The following UGT2A2 variants were observed in gnomAD, a reference collection of about 807,000 sequenced individuals.
UGT2A2 encodes the protein UDP-glucuronosyltransferase 2A2.
In UGT2A2, 60 loss-of-function variants were observed where a neutral mutation model predicts 50.7. The ratio of observed to expected loss-of-function variants is 1.18; its 90% CI spans 0.96 to 1.47. UGT2A2 has a LOEUF of 1.47. Among genes scored for constraint, UGT2A2 ranks in the 40% most tolerant of loss-of-function variants. The pLI is 0.00. For missense variants in UGT2A2, 762 were observed against 634.0 expected, an observed-to-expected ratio of 1.20 and a Z score of -2.17; for synonymous variants, 242 against 214.6, an observed-to-expected ratio of 1.13 and a Z score of -1.11.
chr4:69,638,804 T>A (rs1721869447), intron 1 of UGT2A2, 95 bp downstream of exon 1: 1 of 1,400,728 alleles, frequency 7.1e-7, no homozygotes, highest in East Asian at 2.5e-5. Context: ...TATCTTCAGC[T>A]CAGCATATGC....
At chr4:69,606,623 A>C in intron 1 of UGT2A2, among the ~76,000 whole-genome samples, 1 of 137,098 alleles carries the variant, frequency 7.3e-6, no homozygotes, top group East Asian at 2.1e-4. Context: ...GGAAAGAGGA[A>C]GTCAAATTGT....
rs755007065 is a variant in UGT2A2, at chr4:69,595,214, T to C, written c.1059A>G (p.Thr353=). ...LWRYKGKKPA[T]LGNNTQLFDW... ...CAAAGAGCTGAGTATTGTTTCCTAA[T>C]GTGGCTGGTTTCTTTCCTTTGTATC... Residue 353 remains threonine, a synonymous_variant, in exon 4 of 6, where the codon ACA becomes ACG. Coordinates refer to ENST00000604629, the MANE Select transcript of UGT2A2 (RefSeq NM_001105677.2). The C allele has an allele frequency of 5.0e-6, 8 of 1,613,744 alleles. No individual in the cohort carries two copies. The highest frequency in any genetic ancestry group is 2.2e-5 in the South Asian group (2 of 91,082).
At chr4:69,625,840 C>G (rs1260451868) in intron 1 of UGT2A2, among the ~76,000 whole-genome samples, 1 of 151,434 alleles carries the variant, frequency 6.6e-6, no homozygotes, top group African/African-American at 2.4e-5. Flanking sequence ...TGTAAGTTGT[C>G]CAACATAATA....
intron 1 of UGT2A2, among the ~76,000 whole-genome samples, chr4:69,634,229 A>C (rs1721553747): frequency 6.6e-6 from 1 of 151,638 alleles, no homozygotes. Context: ...TGAGCGACAG[A>C]GCGAGACTCC....
Position 69,596,267 on chromosome 4 carries a change from C to T in UGT2A2, c.1006G>A (p.Ala336Thr). ...EKANLIASAL[A>T]QIPQKVLWRY... is the part of the protein sequence containing the mutation. ...GTACTGACCTTCTGTGGAATCTGGG[C>T]AAGGGCTGAGGCAATAAGATTGGCC... The change falls in exon 3 of 6, where the codon GCC becomes ACC. Residue 336 changes from alanine (A) to threonine (T), a missense_variant. Ala to Thr is a moderately conservative substitution (Grantham distance 58). Coordinates refer to ENST00000604629, the MANE Select transcript of UGT2A2 (RefSeq NM_001105677.2). 2 of 1,591,158 alleles carry T rather than the reference C, an allele frequency of 1.3e-6. No individual in the cohort carries two copies. Among genetic ancestry groups the T allele is most frequent in the Non-Finnish European group, 1.7e-6 (2 of 1,168,132 alleles).
intron 1 of UGT2A2, among the ~76,000 whole-genome samples, chr4:69,613,568 A>T (rs562243247): frequency 2.6e-5 from 4 of 152,176 alleles, no homozygotes; most frequent in African/African-American, 9.6e-5. Flanking sequence ...ATAGACACAA[A>T]CATCTTAACA....
intron 1 of UGT2A2, among the ~76,000 whole-genome samples, chr4:69,621,800 A>G (rs536563333): frequency 6.6e-6 from 1 of 152,116 alleles, no homozygotes; most frequent in South Asian, 2.1e-4. Flanking sequence ...GTATATATGC[A>G]TCATAGAAAA....
intron 1 of UGT2A2, among the ~76,000 whole-genome samples, chr4:69,636,365 A>G (rs1242999574): frequency 6.6e-6 from 1 of 152,206 alleles, no homozygotes; most frequent in Non-Finnish European, 1.5e-5. Context: ...CAAACAAAAT[A>G]CAAAATGGGG....
chr4:69,598,131 A>G (rs1239782770), intron 2 of UGT2A2, among the ~76,000 whole-genome samples: 1 of 152,174 alleles, frequency 6.6e-6, no homozygotes, highest in Non-Finnish European at 1.5e-5. Context: ...TTCCTATAAT[A>G]AACATTCACT....
chr4:69,629,863 T>A, intron 1 of UGT2A2, among the ~76,000 whole-genome samples: 1 of 152,012 alleles, frequency 6.6e-6, no homozygotes, highest in Non-Finnish European at 1.5e-5. Context: ...AATCATCGAG[T>A]CTCAGAGTAG....
At position 69,639,519 on chromosome 4, in the gene UGT2A2, T is replaced by C. The variant is rs369256435; in HGVS notation, c.122A>G (p.His41Arg). 1.7e-5 allele frequency: 27 copies of C among 1,613,232 alleles called. No homozygotes were observed. Among genetic ancestry groups the C allele is most frequent in the Non-Finnish European group, 2.1e-5 (25 of 1,179,576 alleles). ...NVLIWPTDGS[H>R]WLNIKIILEE... ...TAGAATAATCTTAATATTTAACCAA[T>C]GGCTACCATCTGTAGGCCAAATTAA... The change falls in exon 1 of 6, where the codon CAT becomes CGT. Residue 41 changes from histidine to arginine, a missense_variant. By Grantham distance (29) the His-to-Arg change is conservative. Coordinates refer to ENST00000604629, the MANE Select transcript of UGT2A2 (RefSeq NM_001105677.2).
Position 69,639,466 on chromosome 4 carries a change from C to A in UGT2A2, c.175G>T (p.Val59Leu). The A allele has an allele frequency of 6.2e-7, 1 of 1,613,116 alleles. No homozygotes were observed. The highest frequency in any genetic ancestry group is 1.3e-5 in the African/African-American group (1 of 75,006). The change falls in exon 1 of 6, where the codon GTG becomes TTG. Residue 59 changes from valine (V) to leucine (L), a missense_variant. Physicochemically the swap from Val to Leu is conservative, Grantham distance 32. Coordinates refer to ENST00000604629, the MANE Select transcript of UGT2A2 (RefSeq NM_001105677.2). ...GTTGCTGATGAAGCCAGTACAGTCA[C>A]ATTGTGATTTCTTTGAATCAACTCT... The part of the protein sequence containing the change: ...LEELIQRNHN[V>L]TVLASSATLF...
chr4:69,610,980 G>T (rs1720001470), intron 1 of UGT2A2, among the ~76,000 whole-genome samples: 1 of 151,820 alleles, frequency 6.6e-6, no homozygotes, highest in South Asian at 2.1e-4. Flanking sequence ...AAAGATAATA[G>T]TTGGAGTGGA....
intron 1 of UGT2A2, among the ~76,000 whole-genome samples, chr4:69,609,787 T>C: frequency 6.6e-6 from 1 of 152,186 alleles, no homozygotes; most frequent in Non-Finnish European, 1.5e-5. Context: ...ATAGCAAATG[T>C]TCACTGCATT....
At chr4:69,595,375 C>A in intron 3 of UGT2A2, 126 bp from the exon 4 acceptor site, 1 of 1,101,926 alleles carries the variant, frequency 9.1e-7, no homozygotes, top group Non-Finnish European at 1.3e-6. Context: ...CAGTAGTTTA[C>A]AAACGTTGAG....
At position 69,596,353 on chromosome 4, in the gene UGT2A2, C is replaced by G; in HGVS notation, c.920G>C (p.Gly307Ala). ...AGAAAACACCACAACACCATTTTTA[C>G]CTGAGCTCTGGATAAATTCTTCCAT... Reference protein sequence around the residue: ...KEMEEFIQSSGKNGVVVFSLG... With the variant: ...KEMEEFIQSSAKNGVVVFSLG... The change falls in exon 3 of 6, where the codon GGT becomes GCT. Residue 307 changes from glycine to alanine, a missense_variant. Gly to Ala is a moderately conservative substitution (Grantham distance 60, BLOSUM62 0). Coordinates refer to ENST00000604629, the MANE Select transcript of UGT2A2 (RefSeq NM_001105677.2). 6.2e-7 allele frequency: 1 copy of G among 1,602,878 alleles called. No individual in the cohort carries two copies. Among genetic ancestry groups the G allele is most frequent in the Non-Finnish European group, 8.5e-7 (1 of 1,173,758 alleles).
intron 1 of UGT2A2, among the ~76,000 whole-genome samples, chr4:69,602,463 T>TCTATC (rs571248320): frequency 3.0e-5 from 3 of 100,830 alleles, no homozygotes; most frequent in African/African-American, 7.9e-5. Flanking sequence ...ATTTAGGAGT[T>TCTATC]TATCTATCTA....
chr4:69,638,040 G>A (rs889764267), intron 1 of UGT2A2, among the ~76,000 whole-genome samples: 3 of 151,822 alleles, frequency 2.0e-5, no homozygotes, highest in African/African-American at 7.3e-5. Flanking sequence ...AGGAAAAAAA[G>A]GAAGGAAAAA....
intron 1 of UGT2A2, among the ~76,000 whole-genome samples, chr4:69,628,672 C>G (rs1387835591): frequency 1.4e-5 from 2 of 146,716 alleles, no homozygotes; most frequent in Admixed American, 7.0e-5. Context: ...TTAACATAAG[C>G]TTAAATGGGA....
Sources: allele counts gnomAD v4.1 joint callset (sites outside exome capture counted in the v4.1 genomes callset), GRCh38; gene constraint gnomAD v4.1.1; transcripts MANE v1.5; gene names NCBI Gene and HGNC (gene_info 2026-07-23, HGNC 2026-07-21).